Variants in MITF observed in about 807,000 individuals in gnomAD.
MITF encodes the protein microphthalmia-associated transcription factor.
A neutral mutation model predicts 60.5 loss-of-function variants in MITF; 17 were observed. The ratio of observed to expected loss-of-function variants is 0.28; its 90% CI spans 0.19 to 0.42. MITF has a LOEUF of 0.42. Among genes scored for constraint, MITF ranks in the 10% least tolerant of loss-of-function variants. MITF has a pLI of 1.00. For synonymous variants in MITF, 260 were observed against 248.5 expected, an observed-to-expected ratio of 1.05 and a Z score of -0.43; for missense variants, 622 against 683.5, an observed-to-expected ratio of 0.91 and a Z score of 1.00.
At chr3:69,950,449 TA>T (rs397878063) in intron 6 of MITF, among the ~76,000 whole-genome samples, 126 of 9,144 alleles carry the variant, frequency 0.014, 3 homozygotes, top group East Asian at 0.062. Context: ...ACTTCTGAGT[TA>T]TATATATATA....
chr3:69,746,613 G>C (rs1018181016), intron 1 of MITF, among the ~76,000 whole-genome samples: 2 of 152,116 alleles, frequency 1.3e-5, no homozygotes, highest in African/African-American at 2.4e-5. Context: ...TACACTCCAA[G>C]TATGCATTAT....
chr3:69,827,331 T>C (rs895536703), intron 1 of MITF, among the ~76,000 whole-genome samples: 9 of 152,232 alleles, frequency 5.9e-5, no homozygotes, highest in African/African-American at 2.2e-4. Flanking sequence ...TTTTGCTGCA[T>C]TAACAAAGGA....
intron 2 of MITF, among the ~76,000 whole-genome samples, chr3:69,892,894 T>G (rs1327625757): frequency 1.3e-5 from 2 of 152,218 alleles, no homozygotes; most frequent in Admixed American, 6.5e-5. Flanking sequence ...TCTCCTTTCT[T>G]TTTTTGTATT....
At chr3:69,949,457 T>C (rs561941127) in intron 6 of MITF, among the ~76,000 whole-genome samples, 1 of 152,202 alleles carries the variant, frequency 6.6e-6, no homozygotes, top group Admixed American at 6.5e-5. Context: ...CCCCTTTGTG[T>C]TGGGGATAGT....
intron 1 of MITF, among the ~76,000 whole-genome samples, chr3:69,876,411 C>T (rs967226553): frequency 8.6e-5 from 13 of 151,994 alleles, no homozygotes; most frequent in Admixed American, 2.6e-4. Context: ...CTGTTCCCCC[C>T]GCGCTTCCCC....
At chr3:69,780,808 T>A (rs1307993955) in intron 1 of MITF, among the ~76,000 whole-genome samples, 2 of 152,118 alleles carry the variant, frequency 1.3e-5, no homozygotes. Flanking sequence ...AGGTCCAGAG[T>A]TGCTAGCACA....
intron 2 of MITF, among the ~76,000 whole-genome samples, chr3:69,886,991 C>T (rs907970634): frequency 6.6e-6 from 1 of 152,030 alleles, no homozygotes; most frequent in Non-Finnish European, 1.5e-5. Context: ...TAGACTCACA[C>T]ACTTTTGATA....
intron 7 of MITF, among the ~76,000 whole-genome samples, chr3:69,953,730 G>A (rs1404606495): frequency 6.6e-6 from 1 of 151,174 alleles, no homozygotes; most frequent in Non-Finnish European, 1.5e-5. Context: ...GAGAGAGAGA[G>A]CGCCCCTGTT....
chr3:69,741,264 G>A (rs1020336026), intron 1 of MITF, among the ~76,000 whole-genome samples: 1 of 152,068 alleles, frequency 6.6e-6, no homozygotes, highest in African/African-American at 2.4e-5. Flanking sequence ...ATCTGCATTC[G>A]GCTGAAGGGA....
intron 5 of MITF, among the ~76,000 whole-genome samples, chr3:69,944,743 G>A (rs1014431464): frequency 2.6e-5 from 4 of 152,062 alleles, no homozygotes; most frequent in African/African-American, 9.7e-5. Flanking sequence ...ATTAATGGGA[G>A]AATTATAAGA....
At position 69,964,835 on chromosome 3, in the gene MITF, C is replaced by T; in HGVS notation, c.1180-12C>T. 2 of 1,613,736 alleles carry T rather than the reference C, an allele frequency of 1.2e-6. No individual in the cohort carries two copies. Among genetic ancestry groups the T allele is most frequent in the South Asian group, 1.1e-5 (1 of 91,076 alleles). ...TGCCTATTTCAGTGTTTTATCTTTA[C>T]TCTTATTATAGGAACTTGAAATGCA... On this transcript the variant is annotated splice_polypyrimidine_tract_variant and intron_variant, in intron 9 of 9. Transcript: ENST00000352241.
At chr3:69,931,964 G>A (rs977208871) in intron 2 of MITF, among the ~76,000 whole-genome samples, 2 of 152,186 alleles carry the variant, frequency 1.3e-5, no homozygotes, top group Admixed American at 1.3e-4. Flanking sequence ...AGGGTGGGGG[G>A]TAATTAAGCA....
chr3:69,812,112 C>T lies in MITF; in HGVS notation c.105-67022C>T, dbSNP rs538682618. Among the ~76,000 whole-genome samples the T allele has an allele frequency of 5.9e-5, 9 of 152,138 alleles. No individual in the cohort carries two copies. The South Asian group carries it at 1.9e-3, about 32-fold the overall frequency. On this transcript the variant is annotated intron_variant, in intron 1 of 9. Coordinates refer to ENST00000352241, the MANE Select transcript of MITF (RefSeq NM_001354604.2). The stretch of plus-strand genomic sequence containing the variant: ...AGAAACTTTTCAGTAACCAGTGGGG[C>T]AGTACTAAAAATAGAAATGGGGTAA...
Position 69,965,483 on chromosome 3 carries a change from T to C in MITF, c.*235T>C, listed in dbSNP as rs183031244. ...ATTGTACAAATAAGTGTGCAGTATC[T>C]GTGAACTGAATTCACCACAGACTTT... is the stretch of plus-strand genomic sequence containing the variant. On this transcript the variant is annotated 3_prime_UTR_variant, in exon 10 of 10. Coordinates refer to ENST00000352241, the MANE Select transcript of MITF (RefSeq NM_001354604.2). 119 of 431,932 alleles carry C rather than the reference T, an allele frequency of 2.8e-4. No individual in the cohort carries two copies. The East Asian group carries it at 3.3e-3, about 12-fold the overall frequency. The allele number at this position is 431,932 out of a possible 1,614,324, so 26.8% of individuals were successfully genotyped here.
At chr3:69,785,594 C>G (rs928635774) in intron 1 of MITF, among the ~76,000 whole-genome samples, 7 of 152,160 alleles carry the variant, frequency 4.6e-5, no homozygotes, top group African/African-American at 1.7e-4. Context: ...TAAATCACAT[C>G]AGAACTGGTT....
intron 1 of MITF, among the ~76,000 whole-genome samples, chr3:69,803,612 T>C (rs1485342323): frequency 6.6e-6 from 1 of 152,178 alleles, no homozygotes; most frequent in Non-Finnish European, 1.5e-5. Context: ...TGAATAAAAG[T>C]AAATCTAATT....
chr3:69,820,504 TA>T (rs1472822127), intron 1 of MITF, among the ~76,000 whole-genome samples: 2 of 152,084 alleles, frequency 1.3e-5, no homozygotes, highest in African/African-American at 4.8e-5. Flanking sequence ...TTCTAGAAAC[TA>T]AGAGCTTTAC....
chr3:69,954,910 A>C (rs981528124), intron 7 of MITF, among the ~76,000 whole-genome samples: 1 of 152,240 alleles, frequency 6.6e-6, no homozygotes, highest in Non-Finnish European at 1.5e-5. Context: ...AACAAAAAGA[A>C]GCATATATTC....
chr3:69,783,417 A>G (rs1344970456), intron 1 of MITF, among the ~76,000 whole-genome samples: 1 of 151,878 alleles, frequency 6.6e-6, no homozygotes, highest in Non-Finnish European at 1.5e-5. Flanking sequence ...TGAATACAGA[A>G]TACTTAGTCA....
Sources: gnomAD v4.1 joint callset for allele counts (sites outside exome capture counted in the v4.1 genomes callset) on GRCh38, gnomAD v4.1.1 for gene constraint, MANE v1.5 for transcripts, NCBI Gene and HGNC (gene_info 2026-07-23, HGNC 2026-07-21) for gene names.